The following CCSER1 variants were observed in gnomAD, a reference collection of about 807,000 sequenced individuals.
CCSER1 encodes serine-rich coiled-coil domain-containing protein 1.
CCSER1 carries 41 observed loss-of-function variants against 82.0 expected under a neutral mutation model. That is an observed-to-expected ratio of 0.50 (90% CI 0.39 to 0.65). The LOEUF (loss-of-function observed/expected upper bound fraction) is 0.65. CCSER1 is among the 30% of genes least tolerant of loss of function. The pLI is 0.00. For synonymous variants in CCSER1, 414 were observed against 383.9 expected, an observed-to-expected ratio of 1.08 and a Z score of -0.92; for missense variants, 1,119 against 1,064.2, an observed-to-expected ratio of 1.05 and a Z score of -0.72.
chr4:90,276,311 C>CTT (rs1341693560), intron 1 of CCSER1, among the ~76,000 whole-genome samples: 2 of 90,048 alleles, frequency 2.2e-5, no homozygotes, highest in African/African-American at 4.3e-5. Flanking sequence ...TCCTTCCTTT[C>CTT]TTTCTTTTTC....
intron 10 of CCSER1, among the ~76,000 whole-genome samples, chr4:91,547,882 A>G (rs1393463135): frequency 6.6e-6 from 1 of 151,856 alleles, no homozygotes; most frequent in Non-Finnish European, 1.5e-5. Flanking sequence ...CCTGGGTTCT[A>G]GCAATTCTCC....
intron 9 of CCSER1, among the ~76,000 whole-genome samples, chr4:90,964,405 G>C (rs951697866): frequency 1.3e-5 from 2 of 151,896 alleles, no homozygotes; most frequent in Non-Finnish European, 2.9e-5. Flanking sequence ...CACAGTAAAG[G>C]CATCTGAAAA....
At chr4:90,668,504 A>T (rs1408984500) in intron 6 of CCSER1, among the ~76,000 whole-genome samples, 2 of 152,202 alleles carry the variant, frequency 1.3e-5, no homozygotes, top group African/African-American at 4.8e-5. Flanking sequence ...ATTGAATGTC[A>T]TAAAATTCAT....
chr4:90,957,406 T>C (rs1232452173), intron 9 of CCSER1, among the ~76,000 whole-genome samples: 1 of 146,196 alleles, frequency 6.8e-6, no homozygotes, highest in Non-Finnish European at 1.5e-5. Context: ...AGCCCCAGCC[T>C]GATATTTCTA....
chr4:90,410,646 T>G (rs147944442), intron 4 of CCSER1, among the ~76,000 whole-genome samples: 1,544 of 151,906 alleles, frequency 0.01, 17 homozygotes, highest in South Asian at 0.03. Context: ...AGAGGGAAAT[T>G]TATAGCACTA....
At chr4:90,706,058 G>A (rs1001817489) in intron 6 of CCSER1, among the ~76,000 whole-genome samples, 14 of 152,146 alleles carry the variant, frequency 9.2e-5, no homozygotes, top group African/African-American at 3.4e-4. Flanking sequence ...CCCATCTTCT[G>A]GGTCGCTCAT....
intron 4 of CCSER1, among the ~76,000 whole-genome samples, chr4:90,403,673 G>T (rs918311623): frequency 1.3e-5 from 2 of 152,076 alleles, no homozygotes; most frequent in Admixed American, 1.3e-4. Flanking sequence ...ATATTCCACT[G>T]CTTATATTAC....
chr4:90,144,614 A>T (rs1205892908), intron 1 of CCSER1, among the ~76,000 whole-genome samples: 1 of 152,210 alleles, frequency 6.6e-6, no homozygotes, highest in Non-Finnish European at 1.5e-5. Context: ...ATATCTAGTC[A>T]TCATTTCAGT....
At position 90,975,682 on chromosome 4, in the gene CCSER1, T is replaced by G. The variant is rs112479832; in HGVS notation, c.2172+52235T>G. Among the ~76,000 whole-genome samples the G allele has an allele frequency of 4.2e-4, 64 of 151,350 alleles. 1 individual carries two copies. Among genetic ancestry groups the G allele is most frequent in the African/African-American group, 1.5e-3 (63 of 41,362 alleles). On this transcript the variant is annotated intron_variant, in intron 9 of 10. Transcript: ENST00000509176. Reference sequence around the variant, plus strand: ...TTATCATTGTCATTGTTATTTTTGTTGCTAAACAGATGAAAATCCAGTTAC... The same window carrying G: ...TTATCATTGTCATTGTTATTTTTGTGGCTAAACAGATGAAAATCCAGTTAC...
intron 8 of CCSER1, among the ~76,000 whole-genome samples, chr4:90,825,944 C>T (rs1009536658): frequency 6.6e-6 from 1 of 151,936 alleles, no homozygotes; most frequent in African/African-American, 2.4e-5. Flanking sequence ...CCTGCCTCGT[C>T]CTCCCAAAGT....
chr4:91,387,280 G>T (rs953142995), intron 10 of CCSER1, among the ~76,000 whole-genome samples: 2 of 151,850 alleles, frequency 1.3e-5, no homozygotes, highest in Admixed American at 1.3e-4. Context: ...TATTAACAAT[G>T]GGTGAATCTC....
chr4:90,384,407 A>G (rs570565137), intron 3 of CCSER1, among the ~76,000 whole-genome samples: 2 of 151,468 alleles, frequency 1.3e-5, no homozygotes, highest in South Asian at 2.1e-4. Flanking sequence ...GAATTGAACA[A>G]TGAGAACACT....
At chr4:90,617,339 G>C (rs1721475069) in intron 5 of CCSER1, among the ~76,000 whole-genome samples, 1 of 152,048 alleles carries the variant, frequency 6.6e-6, no homozygotes, top group Non-Finnish European at 1.5e-5. Flanking sequence ...ATTAAGAAGA[G>C]GGCTGAGTTT....
chr4:91,413,303 G>A (rs1003544150), intron 10 of CCSER1, among the ~76,000 whole-genome samples: 18 of 151,868 alleles, frequency 1.2e-4, no homozygotes, highest in African/African-American at 4.1e-4. Flanking sequence ...TTAAATATTA[G>A]CTAGACAAGT....
intron 10 of CCSER1, among the ~76,000 whole-genome samples, chr4:91,216,490 T>C (rs1481997529): frequency 6.6e-6 from 1 of 152,096 alleles, no homozygotes; most frequent in African/African-American, 2.4e-5. Flanking sequence ...CGGCTAATTT[T>C]TTTGTGTTTT....
intron 7 of CCSER1, among the ~76,000 whole-genome samples, chr4:90,786,674 T>G (rs1754562583): frequency 6.6e-6 from 1 of 152,196 alleles, no homozygotes; most frequent in African/African-American, 2.4e-5. Flanking sequence ...TTTCCTCTAC[T>G]CTCATACCAC....
chr4:91,374,734 G>T (rs542230501), intron 10 of CCSER1, among the ~76,000 whole-genome samples: 2 of 152,184 alleles, frequency 1.3e-5, no homozygotes, highest in Non-Finnish European at 2.9e-5. Flanking sequence ...GATGGCTCAC[G>T]CCTGTAATCC....
chr4:91,340,106 G>C (rs1553925753), intron 10 of CCSER1, among the ~76,000 whole-genome samples: 1 of 151,952 alleles, frequency 6.6e-6, no homozygotes, highest in Non-Finnish European at 1.5e-5. Context: ...TACAGAGAGA[G>C]ACTGTCTCAA....
chr4:90,645,793 A>G (rs1280754432), intron 6 of CCSER1, among the ~76,000 whole-genome samples: 1 of 152,176 alleles, frequency 6.6e-6, no homozygotes, highest in Non-Finnish European at 1.5e-5. Flanking sequence ...CCAATTTTCT[A>G]ATACTGGAAG....
Sources: allele counts gnomAD v4.1 joint callset (sites outside exome capture counted in the v4.1 genomes callset), GRCh38; gene constraint gnomAD v4.1.1; transcripts MANE v1.5; gene names NCBI Gene and HGNC (gene_info 2026-07-23, HGNC 2026-07-21).